Variants in LHFPL6 observed in about 807,000 individuals in gnomAD.
LHFPL6 encodes LHFPL tetraspan subfamily member 6.
A neutral mutation model predicts 20.6 loss-of-function variants in LHFPL6; 9 were observed. The observed-to-expected ratio is 0.44, with a 90% CI of 0.26 to 0.76. The LOEUF (loss-of-function observed/expected upper bound fraction) is 0.76. Ranked by LOEUF, LHFPL6 falls within the 30% of genes least tolerant of loss-of-function variation. The probability of loss-of-function intolerance (pLI) is 0.20; values close to 1 mark genes in which losing one functional copy is unlikely to be tolerated. For synonymous variants in LHFPL6, 105 were observed against 98.7 expected, an observed-to-expected ratio of 1.06 and a Z score of -0.38; for missense variants, 218 against 253.5, an observed-to-expected ratio of 0.86 and a Z score of 0.95.
At chr13:39,488,534 C>T (rs1868801324) in intron 2 of LHFPL6, among the ~76,000 whole-genome samples, 1 of 152,130 alleles carries the variant, frequency 6.6e-6, no homozygotes, top group African/African-American at 2.4e-5. Context: ...ATCCTTCTCT[C>T]CTATCAAAAA....
At chr13:39,600,620 A>G (rs1030894754) in intron 2 of LHFPL6, among the ~76,000 whole-genome samples, 2 of 152,250 alleles carry the variant, frequency 1.3e-5, no homozygotes, top group South Asian at 2.1e-4. Flanking sequence ...CCAGTGATGT[A>G]TATGTACAGA....
At chr13:39,450,936 TAAAAC>T (rs1872427532) in intron 2 of LHFPL6, among the ~76,000 whole-genome samples, 1 of 152,140 alleles carries the variant, frequency 6.6e-6, no homozygotes, top group African/African-American at 2.4e-5. Flanking sequence ...GTAAAAATAA[TAAAAC>T]AAAACCTGAT....
intron 3 of LHFPL6, among the ~76,000 whole-genome samples, chr13:39,367,472 C>A (rs1870042278): frequency 6.6e-6 from 1 of 152,182 alleles, no homozygotes; most frequent in Non-Finnish European, 1.5e-5. Context: ...AGCAGAGGTG[C>A]GTTTCTGTAT....
At chr13:39,557,654 A>G (rs568577774) in intron 2 of LHFPL6, among the ~76,000 whole-genome samples, 220 of 152,356 alleles carry the variant, frequency 1.4e-3, no homozygotes, top group African/African-American at 5.1e-3. Context: ...CACATGCAGA[A>G]AGATATTGTT....
intron 2 of LHFPL6, among the ~76,000 whole-genome samples, chr13:39,422,010 T>C (rs1201006875): frequency 1.3e-5 from 2 of 152,206 alleles, no homozygotes; most frequent in South Asian, 2.1e-4. Flanking sequence ...TTTTTTATTG[T>C]TGCTACCATT....
At chr13:39,564,196 G>C (rs1186028908) in intron 2 of LHFPL6, among the ~76,000 whole-genome samples, 1 of 152,140 alleles carries the variant, frequency 6.6e-6, no homozygotes, top group African/African-American at 2.4e-5. Context: ...CAGGAATAAA[G>C]TCTGTTTAGT....
chr13:39,458,542 C>G (rs1018912693), intron 2 of LHFPL6, among the ~76,000 whole-genome samples: 6 of 151,722 alleles, frequency 4.0e-5, no homozygotes, highest in Admixed American at 3.3e-4. Flanking sequence ...ACAAAAAATA[C>G]AAAAAAATGA....
At chr13:39,460,955 G>C (rs924403601) in intron 2 of LHFPL6, among the ~76,000 whole-genome samples, 5 of 152,170 alleles carry the variant, frequency 3.3e-5, no homozygotes, top group Admixed American at 6.5e-5. Flanking sequence ...CATAATACCT[G>C]ATAGGTAGTT....
At chr13:39,544,434 C>T (rs2138506591) in intron 2 of LHFPL6, among the ~76,000 whole-genome samples, 1 of 152,260 alleles carries the variant, frequency 6.6e-6, no homozygotes, top group Admixed American at 6.5e-5. Flanking sequence ...GAACAAAAAT[C>T]AAAAGGCTAA....
intron 2 of LHFPL6, among the ~76,000 whole-genome samples, chr13:39,463,884 C>T (rs1464898458): frequency 6.6e-6 from 1 of 152,156 alleles, no homozygotes; most frequent in African/African-American, 2.4e-5. Flanking sequence ...TTCCTGCCCA[C>T]CTCACTACAG....
chr13:39,395,673 G>A (rs756464282), intron 2 of LHFPL6, among the ~76,000 whole-genome samples: 6 of 152,164 alleles, frequency 3.9e-5, no homozygotes, highest in Non-Finnish European at 7.3e-5. Context: ...CAGCAGGTAG[G>A]ACTGGCTGTG....
intron 2 of LHFPL6, among the ~76,000 whole-genome samples, chr13:39,590,447 A>G (rs1872561094): frequency 6.6e-6 from 1 of 152,240 alleles, no homozygotes. Context: ...CTATTGGTAC[A>G]CCCAGGAATT....
chr13:39,550,242 T>C (rs1300117723), intron 2 of LHFPL6, among the ~76,000 whole-genome samples: 1 of 152,092 alleles, frequency 6.6e-6, no homozygotes, highest in Admixed American at 6.6e-5. Flanking sequence ...AACAGGTCAC[T>C]GATTGTCAGA....
At chr13:39,468,430 T>A (rs1484907324) in intron 2 of LHFPL6, among the ~76,000 whole-genome samples, 7 of 152,086 alleles carry the variant, frequency 4.6e-5, no homozygotes, top group African/African-American at 1.7e-4. Flanking sequence ...TGCTTTGATA[T>A]CCTTGGTGCT....
At chr13:39,409,459 CA>C (rs902553115) in intron 2 of LHFPL6, among the ~76,000 whole-genome samples, 1 of 150,916 alleles carries the variant, frequency 6.6e-6, no homozygotes, top group Non-Finnish European at 1.5e-5. Flanking sequence ...ATCTCAAAAA[CA>C]AAAAAAACAA....
At chr13:39,578,511 TGA>T (rs1872186108) in intron 2 of LHFPL6, among the ~76,000 whole-genome samples, 1 of 152,046 alleles carries the variant, frequency 6.6e-6, no homozygotes, top group Non-Finnish European at 1.5e-5. Flanking sequence ...CCATGAGGTG[TGA>T]GAGTGATGGA....
At chr13:39,382,537 G>A (rs760379495) in intron 2 of LHFPL6, among the ~76,000 whole-genome samples, 18 of 151,888 alleles carry the variant, frequency 1.2e-4, no homozygotes, top group East Asian at 1.9e-4. Context: ...TTACAGGCGC[G>A]TACCCCCATG....
intron 2 of LHFPL6, among the ~76,000 whole-genome samples, chr13:39,504,968 T>G (rs1252384256): frequency 2.0e-5 from 3 of 152,236 alleles, no homozygotes; most frequent in Non-Finnish European, 4.4e-5. Flanking sequence ...TAAAATGAAT[T>G]TAACTACAAC....
chr13:39,524,150 T>G (rs140122363), intron 2 of LHFPL6, among the ~76,000 whole-genome samples: 186 of 152,226 alleles, frequency 1.2e-3, no homozygotes, highest in Non-Finnish European at 2.3e-3. Context: ...CTAAGGGACA[T>G]AGGAATGCCA....
Sources: allele counts gnomAD v4.1 joint callset (sites outside exome capture counted in the v4.1 genomes callset), GRCh38; gene constraint gnomAD v4.1.1; transcripts MANE v1.5; gene names NCBI Gene and HGNC (gene_info 2026-07-23, HGNC 2026-07-21).